The following TFAP2C variants were observed in gnomAD, a reference collection of about 807,000 sequenced individuals.
TFAP2C encodes the protein activating enhancer-binding protein 2 gamma.
A neutral mutation model predicts 42.9 loss-of-function variants in TFAP2C; 9 were observed. That is an observed-to-expected ratio of 0.21 (90% CI 0.13 to 0.37). The LOEUF is 0.37. TFAP2C is among the 10% of genes least tolerant of loss of function. The pLI, the probability that TFAP2C is intolerant of heterozygous loss-of-function variation, is 1.00. For missense variants in TFAP2C, 462 were observed against 591.7 expected (o/e 0.78, Z 2.27); for synonymous variants, 264 against 256.0 (o/e 1.03, Z -0.30).
Position 56,637,935 on chromosome 20 carries a change from A to G in TFAP2C, c.1275A>G (p.Lys425=), listed in dbSNP as rs377580128. 120 of 1,613,852 alleles carry G rather than the reference A, an allele frequency of 7.4e-5. No homozygotes were observed. In the Middle Eastern group the frequency reaches 9.9e-4, roughly 13 times the overall value. ...YIKEALIVID[K]SYMNPGDQSP... is the part of the protein sequence containing the mutation. ...AAGAAGCCCTGATTGTCATAGACAA[A>G]TCCTACATGAACCCTGGAGACCAGA... The change falls in exon 7 of 7, where the codon AAA becomes AAG. Residue 425 remains lysine (K), a synonymous_variant. Transcript: ENST00000201031.
In TFAP2C at chr20:56,629,676, G is replaced by T. The variant is rs944811690; in HGVS notation, c.48+84G>T. The T allele has an allele frequency of 2.7e-6, 3 of 1,108,800 alleles. No individual in the cohort carries two copies. The South Asian group carries it at 8.4e-5, about 31-fold the overall frequency. 68.7% of individuals were successfully genotyped at this position (1,108,800 alleles called of 1,614,324 possible). On this transcript the variant is annotated intron_variant, in intron 1 of 6. Transcript: ENST00000201031. The surrounding 1 kb of genome is among the most constrained non-coding windows in gnomAD (Gnocchi z 5.9). ...GCCACTGGACCGAGGTCGGGGACGAGGGCATAGGAGCCCTGGCCTCTCGGT... is the reference window on the plus strand; with the variant it reads ...GCCACTGGACCGAGGTCGGGGACGATGGCATAGGAGCCCTGGCCTCTCGGT...
At chr20:56,633,281 T>A (rs1472014548) in intron 3 of TFAP2C, 72 bp from the exon 4 acceptor site, 2 of 1,198,312 alleles carry the variant, frequency 1.7e-6, no homozygotes, top group African/African-American at 3.0e-5. Flanking sequence ...CAGCTTTGGT[T>A]ATTGGTTTTG....
At position 56,638,357 on chromosome 20, in the gene TFAP2C, C is replaced by T; in HGVS notation, c.*344C>T. ...TACATTCCCTGGGCCAACAGACCCA[C>T]ACACTTAGCCATTGAAATGTCAAAT... On this transcript the variant is annotated 3_prime_UTR_variant, in exon 7 of 7. Transcript: ENST00000201031. The T allele has an allele frequency of 4.6e-6, 1 of 219,028 alleles. No individual in the cohort carries two copies. 13.6% of individuals were successfully genotyped at this position (219,028 alleles called of 1,614,324 possible). A position where few individuals can be genotyped will look rare whatever the true frequency, so the allele number is the denominator to read the frequency against.
chr20:56,637,769 G>A lies in TFAP2C; in HGVS notation c.1109G>A (p.Arg370Gln), dbSNP rs138750457. ...TTCACAGAACTTCTCAGCCAAGACC[G>A]GACACCCCATGGGACCAGCAGGCTC... ...KEFTELLSQD[R>Q]TPHGTSRLAP... is the part of the protein sequence containing the mutation. Residue 370 changes from arginine (R) to glutamine (Q), a missense_variant, in exon 7 of 7, where the codon CGG becomes CAG. Physicochemically the swap from Arg to Gln is conservative, Grantham distance 43. Coordinates refer to ENST00000201031, the MANE Select transcript of TFAP2C (RefSeq NM_003222.4). 37 of 1,614,126 alleles carry A rather than the reference G, an allele frequency of 2.3e-5. No homozygotes were observed. The highest frequency in any genetic ancestry group is 1.2e-4 in the South Asian group (11 of 91,068).
chr20:56,635,189 A>C (rs1187827820), intron 5 of TFAP2C, among the ~76,000 whole-genome samples: 1 of 152,216 alleles, frequency 6.6e-6, no homozygotes, highest in African/African-American at 2.4e-5. Context: ...GCAAGGAGAA[A>C]GGAGCTGCCT....
rs1345240460 is a variant in TFAP2C at position 56,636,670 on chromosome 20, A to C, written c.983A>C (p.Lys328Thr). Residue 328 changes from lysine (K) to threonine (T), a missense_variant, in exon 6 of 7, where the codon AAA (lysine) becomes ACA (threonine). Coordinates refer to ENST00000201031, the MANE Select transcript of TFAP2C (RefSeq NM_003222.4). ...GTCTGTGAAGCCGAATTTCCTAGTAAACCAGTGGCAGAATATTTAACCAGA... is the reference window on the plus strand; with the variant it reads ...GTCTGTGAAGCCGAATTTCCTAGTACACCAGTGGCAGAATATTTAACCAGA... ...AYVCEAEFPS[K>T]PVAEYLTRPH... is the part of the protein sequence containing the mutation. 6.2e-7 allele frequency: 1 copy of C among 1,614,208 alleles called. No homozygotes were observed. The highest frequency in any genetic ancestry group is 8.5e-7 in the Non-Finnish European group (1 of 1,180,024).
intron 3 of TFAP2C, among the ~76,000 whole-genome samples, chr20:56,632,576 A>C (rs986875129): frequency 6.6e-6 from 1 of 152,222 alleles, no homozygotes; most frequent in African/African-American, 2.4e-5. Context: ...TTGAGGATGG[A>C]GGAAAAATGG....
At chr20:56,634,123 G>A (rs1300569076) in intron 4 of TFAP2C, 27 bp from the exon 5 acceptor site, 3 of 1,534,574 alleles carry the variant, frequency 2.0e-6, no homozygotes, top group Non-Finnish European at 2.7e-6. Context: ...TTTGAGAGTA[G>A]CCAGAGTCAA....
In TFAP2C at chr20:56,637,969, G is replaced by A. The variant is rs1306681087; in HGVS notation, c.1309G>A (p.Asp437Asn). The stretch of plus-strand genomic sequence containing the variant: ...GAACCCTGGAGACCAGAGTCCAGCT[G>A]ATTCTAACAAAACCCTGGAGAAAAT... ...YMNPGDQSPA[D>N]SNKTLEKMEK... is the part of the protein sequence containing the mutation. The change falls in exon 7 of 7, where the codon GAT becomes AAT. Residue 437 changes from aspartate to asparagine, a missense_variant. Transcript: ENST00000201031. The A allele has an allele frequency of 6.2e-7, 1 of 1,613,940 alleles. No individual in the cohort carries two copies. The highest frequency in any genetic ancestry group is 8.5e-7 in the Non-Finnish European group (1 of 1,179,968).
chr20:56,635,551 G>C (rs1204292073), intron 5 of TFAP2C, among the ~76,000 whole-genome samples: 2 of 151,834 alleles, frequency 1.3e-5, no homozygotes, highest in Admixed American at 1.3e-4. Flanking sequence ...CAGTAAAAAG[G>C]CACTATTAAA....
chr20:56,636,902 C>G, intron 6 of TFAP2C, 148 bp downstream of exon 6: 7 of 1,003,672 alleles, frequency 7.0e-6, no homozygotes, highest in Non-Finnish European at 9.9e-6. Context: ...AAGGGAGCTT[C>G]TTTTACAAAG....
Position 56,630,875 on chromosome 20 carries a change from C to T in TFAP2C, c.49-330C>T. 1 of 985,210 alleles carries T rather than the reference C, an allele frequency of 1.0e-6. No individual in the cohort carries two copies. The highest frequency in any genetic ancestry group is 4.7e-5 in the South Asian group (1 of 21,216). 61.0% of individuals were successfully genotyped at this position (985,210 alleles called of 1,614,324 possible). ...TGGCTCCTTCGCCCCGGGCTCCGGC[C>T]ACGGACTTTTCTGGCCCAAGACCCA... On this transcript the variant is annotated intron_variant, in intron 1 of 6. Coordinates refer to ENST00000201031, the MANE Select transcript of TFAP2C (RefSeq NM_003222.4). The surrounding 1 kb of genome is among the most constrained non-coding windows in gnomAD (Gnocchi z 5.1).
At chr20:56,634,294 G>T (rs115244423) in intron 5 of TFAP2C, 26 bp downstream of exon 5, 1 of 1,528,690 alleles carries the variant, frequency 6.5e-7, no homozygotes. Flanking sequence ...TTTTTGGTTC[G>T]TGATGTTTTT....
rs763547729 is a variant in TFAP2C, at chr20:56,631,645, G to A, written c.489G>A (p.Glu163=). The A allele has an allele frequency of 4.2e-5, 67 of 1,582,244 alleles. No individual in the cohort carries two copies. The highest frequency in any genetic ancestry group is 5.6e-5 in the Non-Finnish European group (65 of 1,169,588). The change falls in exon 2 of 7, where the codon GAG becomes GAA. Residue 163 remains glutamate (E), a synonymous_variant. Coordinates refer to ENST00000201031, the MANE Select transcript of TFAP2C (RefSeq NM_003222.4). This position sits in a 1 kb window ranked among gnomAD's most constrained non-coding sequence, Gnocchi z 6.1. ...AHALDAAGLA[E]NLGLHDMPHQ... ...CCCTGGATGCCGCGGGCCTGGCCGA[G>A]AACCTGGGGCTCCACGACATGCCTC... is the stretch of plus-strand genomic sequence containing the variant.
chr20:56,637,083 A>G (rs1450114162), intron 6 of TFAP2C, among the ~76,000 whole-genome samples: 1 of 152,220 alleles, frequency 6.6e-6, no homozygotes, highest in Non-Finnish European at 1.5e-5. Flanking sequence ...ACAACCAGTA[A>G]AGAGAGATTG....
intron 6 of TFAP2C, 46 bp downstream of exon 6, chr20:56,636,800 C>CT: frequency 1.3e-6 from 2 of 1,567,932 alleles, no homozygotes; most frequent in Non-Finnish European, 1.7e-6. Flanking sequence ...TGCTCTAGAC[C>CT]TTGAGGTTGA....
In TFAP2C at chr20:56,629,537, C is replaced by A; in HGVS notation, c.-8C>A. 1 of 1,423,746 alleles carries A rather than the reference C, an allele frequency of 7.0e-7. No homozygotes were observed. The allele number at this position is 1,423,746 out of a possible 1,614,324, so 88.2% of individuals were successfully genotyped here. A position where few individuals can be genotyped will look rare whatever the true frequency, so the allele number is the denominator to read the frequency against. On this transcript the variant is annotated 5_prime_UTR_variant, in exon 1 of 7. Transcript: ENST00000201031. This position sits in a 1 kb window ranked among gnomAD's most constrained non-coding sequence, Gnocchi z 5.9. ...AACTGGCGACTGTTTTGGGGGACGC[C>A]GGACGCCATGTTGTGGAAAATAACC...
At chr20:56,633,922 T>A (rs969346862) in intron 4 of TFAP2C, among the ~76,000 whole-genome samples, 2 of 152,176 alleles carry the variant, frequency 1.3e-5, no homozygotes, top group African/African-American at 4.8e-5. Context: ...ATTTGAAATA[T>A]TCGGTGATGC....
chr20:56,634,036 TTGA>T, intron 4 of TFAP2C, 111 bp from the exon 5 acceptor site: 1 of 727,448 alleles, frequency 1.4e-6, no homozygotes, highest in Non-Finnish European at 2.4e-6. Flanking sequence ...TAGATAGTCT[TTGA>T]TGGGTTTCAG....
Sources: gnomAD v4.1 joint callset for allele counts (sites outside exome capture counted in the v4.1 genomes callset) on GRCh38, gnomAD v4.1.1 for gene constraint, Gnocchi (gnomAD v3.1) non-coding constraint, MANE v1.5 for transcripts, NCBI Gene and HGNC (gene_info 2026-07-23, HGNC 2026-07-21) for gene names.